MUSK: variants seen among roughly 807,000 people sequenced by gnomAD.
MUSK encodes the protein muscle, skeletal receptor tyrosine-protein kinase.
Under a neutral mutation model 88.7 loss-of-function variants are expected in MUSK, and 55 were observed. The observed-to-expected ratio is 0.62, with a 90% confidence interval of 0.50 to 0.78. The LOEUF (loss-of-function observed/expected upper bound fraction) is 0.78, where lower values mean the gene tolerates loss of function less well. Among genes scored for constraint, MUSK ranks in the 30% least tolerant of loss-of-function variants. MUSK has a pLI of 0.00. For synonymous variants in MUSK, 387 were observed against 391.9 expected (o/e 0.99, Z 0.15); for missense variants, 1,015 against 1,074.3 (o/e 0.94, Z 0.77).
chr9:110,695,240 A>C (rs1329288140), intron 3 of MUSK, among the ~76,000 whole-genome samples, 163 bp from the exon 4 acceptor site: 7 of 152,198 alleles, frequency 4.6e-5, no homozygotes, highest in African/African-American at 1.7e-4. Context: ...TTTCTGTTTG[A>C]GATCTACTGA....
chr9:110,777,317 G>A (rs984807944), intron 11 of MUSK, among the ~76,000 whole-genome samples: 1 of 152,070 alleles, frequency 6.6e-6, no homozygotes, highest in African/African-American at 2.4e-5. Context: ...TGGTCTCAGC[G>A]TTCTAAGGCT....
chr9:110,765,531 C>A (rs1218022928), intron 8 of MUSK, among the ~76,000 whole-genome samples: 2 of 152,034 alleles, frequency 1.3e-5, no homozygotes, highest in Non-Finnish European at 2.9e-5. Flanking sequence ...CACAGTTTTA[C>A]ATAACATGGG....
chr9:110,712,499 T>G (rs1268989787), intron 5 of MUSK, among the ~76,000 whole-genome samples: 1 of 152,184 alleles, frequency 6.6e-6, no homozygotes. Context: ...CAAATGCCAG[T>G]GCACATCAGA....
intron 1 of MUSK, among the ~76,000 whole-genome samples, chr9:110,677,650 CTT>C (rs1415222359): frequency 6.6e-6 from 1 of 152,232 alleles, no homozygotes; most frequent in Non-Finnish European, 1.5e-5. Flanking sequence ...CTGGAACACT[CTT>C]CTCTCTCCAC....
rs939675508 is a variant in MUSK at position 110,802,655 on chromosome 9, T to A, written c.*1667T>A. Among the ~76,000 whole-genome samples, 1 of 152,148 alleles carries A rather than the reference T, an allele frequency of 6.6e-6. No homozygotes were observed. The highest frequency in any genetic ancestry group is 1.5e-5 in the Non-Finnish European group (1 of 68,026). On this transcript the variant is annotated 3_prime_UTR_variant, in exon 15 of 15. Transcript: ENST00000374448. ...TCTTTCATCATCAGTTTTCTATTAG[T>A]TTTACTTCCTAAAATCCTCCTGCTG... is the stretch of plus-strand genomic sequence containing the variant.
At chr9:110,712,324 A>G (rs2076682217) in intron 5 of MUSK, among the ~76,000 whole-genome samples, 1 of 152,150 alleles carries the variant, frequency 6.6e-6, no homozygotes, top group African/African-American at 2.4e-5. Flanking sequence ...GCTTAGTCAT[A>G]GTATCTGTTA....
rs145236392 is a variant in MUSK at position 110,700,176 on chromosome 9, A to T, written c.628+2710A>T. On this transcript the variant is annotated intron_variant, in intron 5 of 14. Transcript: ENST00000374448. ...GGATGTCTTTCTGAAAGGATGTCCAATGGGAAGGCTAACATTTTAAAAAGT... is the reference window on the plus strand; with the variant it reads ...GGATGTCTTTCTGAAAGGATGTCCATTGGGAAGGCTAACATTTTAAAAAGT... Among the ~76,000 whole-genome samples the T allele has an allele frequency of 9.2e-5, 14 of 152,352 alleles. No individual in the cohort carries two copies. The East Asian group carries it at 2.7e-3, about 29-fold the overall frequency.
At chr9:110,763,666 G>A (rs2077433492) in intron 8 of MUSK, among the ~76,000 whole-genome samples, 1 of 152,222 alleles carries the variant, frequency 6.6e-6, no homozygotes, top group Non-Finnish European at 1.5e-5. Context: ...TTTGTCTGAA[G>A]CAGAGGAGAG....
chr9:110,672,258 C>G (rs538210648), intron 1 of MUSK, among the ~76,000 whole-genome samples: 1 of 152,212 alleles, frequency 6.6e-6, no homozygotes, highest in South Asian at 2.1e-4. Flanking sequence ...TGAAATAAAA[C>G]CTGATGTCGT....
At chr9:110,790,579 T>C (rs976367680) in intron 14 of MUSK, among the ~76,000 whole-genome samples, 13 of 152,274 alleles carry the variant, frequency 8.5e-5, no homozygotes, top group Admixed American at 5.9e-4. Context: ...AGATCAACCA[T>C]AGTAATAAGA....
At chr9:110,756,244 C>G (rs2077322904) in intron 7 of MUSK, among the ~76,000 whole-genome samples, 1 of 151,606 alleles carries the variant, frequency 6.6e-6, no homozygotes, top group Non-Finnish European at 1.5e-5. Context: ...TTTGGAGGGT[C>G]CTTCGGAAGA....
At chr9:110,689,731 T>TA (rs1564217948) in intron 3 of MUSK, among the ~76,000 whole-genome samples, 6 of 74,244 alleles carry the variant, frequency 8.1e-5, no homozygotes, top group African/African-American at 1.5e-4. Flanking sequence ...TATATATAGT[T>TA]TATATATAAT....
At chr9:110,774,880 C>CAT (rs1322092832) in intron 9 of MUSK, among the ~76,000 whole-genome samples, 1 of 138,140 alleles carries the variant, frequency 7.2e-6, no homozygotes, top group Non-Finnish European at 1.5e-5. Context: ...CACACACACA[C>CAT]ACACACACAC....
At chr9:110,698,949 G>T (rs950093108) in intron 5 of MUSK, among the ~76,000 whole-genome samples, 2 of 152,000 alleles carry the variant, frequency 1.3e-5, no homozygotes, top group African/African-American at 4.8e-5. Context: ...CAGAATTAAT[G>T]CTATCCATTT....
chr9:110,739,992 G>A (rs536111866), intron 6 of MUSK, among the ~76,000 whole-genome samples: 2 of 152,058 alleles, frequency 1.3e-5, no homozygotes, highest in African/African-American at 4.8e-5. Context: ...TCAAAGAAGT[G>A]TCCCAAATCG....
rs538694973 is a variant in MUSK at position 110,733,072 on chromosome 9, A to G, written c.629-1179A>G. On this transcript the variant is annotated intron_variant, in intron 5 of 14. Coordinates refer to ENST00000374448, the MANE Select transcript of MUSK (RefSeq NM_005592.4). ...TAGAATCCAATATTCACAAATTTCA[A>G]TTTAACTAGAATTAAGTTTCAAAGC... Among the ~76,000 whole-genome samples, 11 of 152,222 alleles carry G rather than the reference A, an allele frequency of 7.2e-5. No individual in the cohort carries two copies. The South Asian group carries it at 2.3e-3, about 32-fold the overall frequency.
intron 3 of MUSK, among the ~76,000 whole-genome samples, chr9:110,690,124 A>AAATATATAAATATATATT (rs1564219090): frequency 4.2e-5 from 4 of 94,704 alleles, no homozygotes; most frequent in Non-Finnish European, 7.4e-5. Context: ...TATATATTAT[A>AAATATATAAATATATATT]TAAGTATAAA....
At chr9:110,757,394 G>T (rs975004859) in intron 7 of MUSK, among the ~76,000 whole-genome samples, 1 of 151,542 alleles carries the variant, frequency 6.6e-6, no homozygotes, top group African/African-American at 2.4e-5. Flanking sequence ...GGGAGGCAAA[G>T]GTTACAGTGA....
At chr9:110,717,304 G>A (rs1203366142) in intron 5 of MUSK, among the ~76,000 whole-genome samples, 1 of 149,286 alleles carries the variant, frequency 6.7e-6, no homozygotes, top group Admixed American at 6.6e-5. Flanking sequence ...ATATTTCAGT[G>A]ATTACTTTTA....
Sources: allele counts gnomAD v4.1 joint callset (sites outside exome capture counted in the v4.1 genomes callset), GRCh38; gene constraint gnomAD v4.1.1; transcripts MANE v1.5; gene names NCBI Gene and HGNC (gene_info 2026-07-23, HGNC 2026-07-21).